Variants in KSR2 observed in about 807,000 individuals in gnomAD.
KSR2 encodes the protein kinase suppressor of ras 2.
Under a neutral mutation model 107.8 loss-of-function variants are expected in KSR2, and 25 were observed. That is an observed-to-expected ratio of 0.23 (90% CI 0.17 to 0.32). The LOEUF (loss-of-function observed/expected upper bound fraction) is 0.32. Among genes scored for constraint, KSR2 ranks in the 10% least tolerant of loss-of-function variants. KSR2 has a pLI of 1.00. For synonymous variants in KSR2, 480 were observed against 507.0 expected, an observed-to-expected ratio of 0.95 and a Z score of 0.71; for missense variants, 887 against 1,268.9, an observed-to-expected ratio of 0.70 and a Z score of 4.57.
At chr12:117,518,495 T>G (rs1874533570) in intron 14 of KSR2, among the ~76,000 whole-genome samples, 1 of 152,232 alleles carries the variant, frequency 6.6e-6, no homozygotes, top group African/African-American at 2.4e-5. Flanking sequence ...GCTTGTGCCC[T>G]TTGGCGCTGG....
intron 3 of KSR2, among the ~76,000 whole-genome samples, chr12:117,819,925 A>G (rs1236025531): frequency 6.6e-6 from 1 of 152,228 alleles, no homozygotes; most frequent in Non-Finnish European, 1.5e-5. Flanking sequence ...TTAAAAATGC[A>G]TAGGAAAAAA....
chr12:117,670,071 T>C (rs184276041), intron 4 of KSR2, among the ~76,000 whole-genome samples: 1 of 152,264 alleles, frequency 6.6e-6, no homozygotes, highest in Admixed American at 6.5e-5. Context: ...GGCCCTCTCA[T>C]ACTGAGAAAG....
intron 18 of KSR2, among the ~76,000 whole-genome samples, chr12:117,470,620 GA>G (rs1871391746): frequency 6.6e-6 from 1 of 152,196 alleles, no homozygotes; most frequent in Non-Finnish European, 1.5e-5. Context: ...AGTCAGAGGA[GA>G]AAAGTTACTT....
At chr12:117,941,049 C>A (rs1040482520) in intron 1 of KSR2, among the ~76,000 whole-genome samples, 1 of 152,094 alleles carries the variant, frequency 6.6e-6, no homozygotes, top group Non-Finnish European at 1.5e-5. Context: ...CGTGCCACTG[C>A]ATGCCAACCT....
At chr12:117,620,752 T>C (rs1325755462) in intron 5 of KSR2, among the ~76,000 whole-genome samples, 1 of 152,168 alleles carries the variant, frequency 6.6e-6, no homozygotes, top group Non-Finnish European at 1.5e-5. Context: ...CAATAACCAA[T>C]GTGTGGGTAT....
intron 1 of KSR2, among the ~76,000 whole-genome samples, chr12:117,952,661 A>G (rs1277907385): frequency 6.6e-6 from 1 of 151,356 alleles, no homozygotes; most frequent in Non-Finnish European, 1.5e-5. Flanking sequence ...AGGCAATAGC[A>G]AGACTCTGTC....
intron 17 of KSR2, among the ~76,000 whole-genome samples, chr12:117,476,216 A>G (rs987429687): frequency 6.6e-6 from 1 of 152,254 alleles, no homozygotes; most frequent in East Asian, 1.9e-4. Flanking sequence ...ACAAATAGCT[A>G]TTGAATAAGT....
chr12:117,795,938 G>C (rs994837558), intron 3 of KSR2, among the ~76,000 whole-genome samples: 9 of 151,974 alleles, frequency 5.9e-5, no homozygotes, highest in African/African-American at 2.2e-4. Flanking sequence ...TATTGTTGTT[G>C]TTTTGAGACA....
rs1020451088 is a variant in KSR2, at chr12:117,459,414, G to A, written c.*7785C>T. 7.2e-5 allele frequency: 11 copies of A among 152,148 alleles called. No homozygotes were observed. Among genetic ancestry groups the A allele is most frequent in the African/African-American group, 2.2e-4 (9 of 41,416 alleles). The allele number at this position is 152,148 out of a possible 1,614,324, so 9.4% of individuals were successfully genotyped here. A position where few individuals can be genotyped will look rare whatever the true frequency, so the allele number is the denominator to read the frequency against. ...TCATATCCATCTTAAGTGGTAACTC[G>A]AATGCCCTGAAGCTACATCTGTGAT... On this transcript the variant is annotated 3_prime_UTR_variant, in exon 20 of 20. Transcript: ENST00000339824.
At chr12:117,499,505 G>A (rs1205435024) in intron 14 of KSR2, among the ~76,000 whole-genome samples, 1 of 152,168 alleles carries the variant, frequency 6.6e-6, no homozygotes, top group African/African-American at 2.4e-5. Flanking sequence ...GAATCGGTGG[G>A]GAACTGAAAT....
At chr12:117,804,673 A>G (rs980503500) in intron 3 of KSR2, among the ~76,000 whole-genome samples, 8 of 152,344 alleles carry the variant, frequency 5.3e-5, no homozygotes, top group African/African-American at 1.9e-4. Context: ...ACCGGCCTTC[A>G]AGATAATAAG....
intron 14 of KSR2, among the ~76,000 whole-genome samples, chr12:117,520,426 C>A (rs1246191226): frequency 6.6e-6 from 1 of 152,180 alleles, no homozygotes; most frequent in Non-Finnish European, 1.5e-5. Context: ...CGCCACCTAG[C>A]ATGGCTTGGC....
chr12:117,906,143 G>C (rs1354370578), intron 1 of KSR2, among the ~76,000 whole-genome samples: 2 of 152,034 alleles, frequency 1.3e-5, no homozygotes, highest in African/African-American at 4.8e-5. Context: ...CAGAGGTCAG[G>C]AGTTCGAGCC....
intron 3 of KSR2, among the ~76,000 whole-genome samples, chr12:117,846,171 T>G (rs565849377): frequency 1.9e-4 from 29 of 152,304 alleles, no homozygotes; most frequent in African/African-American, 7.0e-4. Flanking sequence ...TATATCTTAT[T>G]GGTTCTACTC....
chr12:117,524,475 G>C (rs1052033996), intron 14 of KSR2, among the ~76,000 whole-genome samples: 1 of 152,044 alleles, frequency 6.6e-6, no homozygotes, highest in African/African-American at 2.4e-5. Flanking sequence ...AGACCATCCT[G>C]GGCAACATAG....
intron 1 of KSR2, among the ~76,000 whole-genome samples, chr12:117,924,662 T>TA (rs1190733644): frequency 1.4e-5 from 2 of 139,016 alleles, no homozygotes; most frequent in Non-Finnish European, 3.1e-5. Flanking sequence ...TAAGGAGGCA[T>TA]AAAAAATCTA....
chr12:117,956,249 C>CGCT (rs1555261345), intron 1 of KSR2, among the ~76,000 whole-genome samples: 54 of 47,308 alleles, frequency 1.1e-3, no homozygotes, highest in East Asian at 1.9e-3. Flanking sequence ...GACTCTGTCT[C>CGCT]AAAAAAAAAA....
chr12:117,467,184 C>A lies in KSR2; in HGVS notation c.*15G>T, dbSNP rs376929340. On this transcript the variant is annotated 3_prime_UTR_variant, in exon 20 of 20. Coordinates refer to ENST00000339824, the MANE Select transcript of KSR2 (RefSeq NM_173598.6). ...GGGAGCCCAGGCAGCTGGGCGCCGTCCCGATGTCCAAAGGTCACAGCCTGG... is the reference window on the plus strand; with the variant it reads ...GGGAGCCCAGGCAGCTGGGCGCCGTACCGATGTCCAAAGGTCACAGCCTGG... 1 of 720,842 alleles carries A rather than the reference C, an allele frequency of 1.4e-6. No individual in the cohort carries two copies. 44.7% of individuals were successfully genotyped at this position (720,842 alleles called of 1,614,324 possible).
At position 117,794,378 on chromosome 12, in the gene KSR2, C is replaced by T. The variant is rs1382273674; in HGVS notation, c.473-32854G>A. ...GCACACACACCAACATGCACACTCA[C>T]ACCAACATGCACACTCACACCAACA... On this transcript the variant is annotated intron_variant, in intron 3 of 19. Coordinates refer to ENST00000339824, the MANE Select transcript of KSR2 (RefSeq NM_173598.6). Among the ~76,000 whole-genome samples the T allele has an allele frequency of 8.8e-5, 4 of 45,458 alleles. 1 individual carries two copies. The Admixed American group carries it at 1.1e-3, about 13-fold the overall frequency. 29.8% of individuals were successfully genotyped at this position (45,458 alleles called of 152,430 possible).
Sources: gnomAD v4.1 joint callset for allele counts (sites outside exome capture counted in the v4.1 genomes callset) on GRCh38, gnomAD v4.1.1 for gene constraint, MANE v1.5 for transcripts, NCBI Gene and HGNC (gene_info 2026-07-23, HGNC 2026-07-21) for gene names.